Variants in TMEM165 observed in about 807,000 individuals in gnomAD.
TMEM165 encodes putative divalent cation/proton antiporter TMEM165.
A neutral mutation model predicts 30.0 loss-of-function variants in TMEM165; 19 were observed. The observed-to-expected ratio is 0.63, with a 90% CI of 0.44 to 0.93. The LOEUF (loss-of-function observed/expected upper bound fraction) is 0.93, where lower values mean the gene tolerates loss of function less well. Ranked by LOEUF, TMEM165 falls within the 40% of genes least tolerant of loss-of-function variation. The pLI is 0.00. For synonymous variants in TMEM165, 168 were observed against 162.9 expected (o/e 1.03, Z -0.24); for missense variants, 340 against 417.0 (o/e 0.82, Z 1.61).
chr4:55,411,365 T>A (rs1342482546), intron 1 of TMEM165, among the ~76,000 whole-genome samples: 2 of 152,044 alleles, frequency 1.3e-5, no homozygotes, highest in Non-Finnish European at 2.9e-5. Flanking sequence ...ATATAAATAT[T>A]CCAAAATCTA....
At position 55,396,269 on chromosome 4, in the gene TMEM165, C is replaced by T; in HGVS notation, c.80C>T (p.Ala27Val). 1 of 1,520,876 alleles carries T rather than the reference C, an allele frequency of 6.6e-7. No individual in the cohort carries two copies. The highest frequency in any genetic ancestry group is 8.8e-7 in the Non-Finnish European group (1 of 1,140,690). 94.2% of individuals were successfully genotyped at this position (1,520,876 alleles called of 1,614,324 possible). The change falls in exon 1 of 6, where the codon GCC becomes GTC. Residue 27 changes from alanine to valine, a missense_variant. This residue lies in a region of TMEM165 where 120 missense variants were observed against 109.4 expected (regional missense o/e 1.10). Coordinates refer to ENST00000381334, the MANE Select transcript of TMEM165 (RefSeq NM_018475.5). Reference sequence around the variant, plus strand: ...CTCTTTCTGGTTCCGCTGCTGTGGGCCCCGGCTGCGGTCCGGGCCGGCCCA... The same window carrying T: ...CTCTTTCTGGTTCCGCTGCTGTGGGTCCCGGCTGCGGTCCGGGCCGGCCCA... ...LLLFLVPLLWAPAAVRAGPDE... is the reference protein window; with the variant it reads ...LLLFLVPLLWVPAAVRAGPDE...
chr4:55,400,272 A>AATATATTATATATTATATATAATATTAT (rs1410401458), intron 1 of TMEM165, among the ~76,000 whole-genome samples: 12 of 83,174 alleles, frequency 1.4e-4, no homozygotes, highest in South Asian at 6.7e-4. Context: ...TATAATATAT[A>AATATATTATATATTATATATAATATTAT]ATATAATATT....
intron 3 of TMEM165, chr4:55,452,197 C>CT (rs1241173801): frequency 6.6e-6 from 1 of 152,134 alleles, no homozygotes; most frequent in Non-Finnish European, 1.5e-5. Flanking sequence ...AGGTATCAAT[C>CT]CTGTGATTAG....
chr4:55,407,801 G>A (rs1320167761), intron 1 of TMEM165, among the ~76,000 whole-genome samples: 1 of 152,226 alleles, frequency 6.6e-6, no homozygotes, highest in African/African-American at 2.4e-5. Flanking sequence ...TTCATATTTT[G>A]TGGCACTACA....
chr4:55,397,494 GA>G (rs1185031043), intron 1 of TMEM165: 2,217 of 135,668 alleles, frequency 0.016, 45 homozygotes, highest in African/African-American at 0.052. Flanking sequence ...CCTTTTCAAA[GA>G]AAAAAAAAAA....
At chr4:55,424,839 A>C (rs1722126154) in intron 5 of TMEM165, 196 bp downstream of exon 5, 1 of 529,888 alleles carries the variant, frequency 1.9e-6, no homozygotes, top group Non-Finnish European at 3.3e-6. Flanking sequence ...AGCAAAATAC[A>C]AAGTCATTTT....
intron 3 of TMEM165, chr4:55,431,692 C>A (rs569436934): frequency 7.0e-6 from 1 of 141,894 alleles, no homozygotes; most frequent in Non-Finnish European, 1.6e-5. Flanking sequence ...AACAAACTTT[C>A]AATTACCAAA....
chr4:55,416,894 T>C, intron 2 of TMEM165, 178 bp from the exon 3 acceptor site: 4 of 536,440 alleles, frequency 7.5e-6, no homozygotes, highest in Non-Finnish European at 1.3e-5. Context: ...CTAGACCTAA[T>C]GGTTTATTAT....
In TMEM165 at chr4:55,424,746, G is replaced by T. The variant is rs568287484; in HGVS notation, c.898+103G>T. On this transcript the variant is annotated intron_variant, in intron 5 of 5. Coordinates refer to ENST00000381334, the MANE Select transcript of TMEM165 (RefSeq NM_018475.5). ...AATTTCTGCTGCTGAAGTATACTTG[G>T]TTTTTCTAATTACCTACCATCTCTT... 3 of 775,920 alleles carry T rather than the reference G, an allele frequency of 3.9e-6. No individual in the cohort carries two copies. The African/African-American group carries it at 5.2e-5, about 14-fold the overall frequency. 48.1% of individuals were successfully genotyped at this position (775,920 alleles called of 1,614,324 possible). A position where few individuals can be genotyped will look rare whatever the true frequency, so the allele number is the denominator to read the frequency against.
At position 55,400,372 on chromosome 4, in the gene TMEM165, TTAATATAATAA is replaced by T. The variant is rs1720942756; in HGVS notation, c.207+3982_207+3992del. Among the ~76,000 whole-genome samples the T allele has an allele frequency of 6.4e-5, 3 of 46,678 alleles. No homozygotes were observed. The South Asian group carries it at 9.2e-3, about 143-fold the overall frequency. The allele number at this position is 46,678 out of a possible 152,430, so 30.6% of individuals were successfully genotyped here. Reference sequence around the variant, plus strand: ...TATTATATTAATATAATTAATTATATTAATATAATAATAATAAATAATATTAATATAATTAA... The same window carrying T: ...TATTATATTAATATAATTAATTATATTAATAAATAATATTAATATAATTAA... On this transcript the variant is annotated intron_variant, in intron 1 of 5. Coordinates refer to ENST00000381334, the MANE Select transcript of TMEM165 (RefSeq NM_018475.5).
At chr4:55,435,187 C>T in intron 3 of TMEM165, 1 of 556,442 alleles carries the variant, frequency 1.8e-6, no homozygotes, top group East Asian at 3.1e-5. Context: ...ACCTAAAACA[C>T]TGTCAGAACT....
intron 4 of TMEM165, 163 bp downstream of exon 4, chr4:55,418,148 G>C: frequency 3.6e-6 from 2 of 550,528 alleles, no homozygotes; most frequent in South Asian, 4.3e-5. Flanking sequence ...CCTTCTCCCA[G>C]TTCCTGCTAC....
At chr4:55,421,723 G>A (rs1055582231) in intron 4 of TMEM165, among the ~76,000 whole-genome samples, 7 of 152,112 alleles carry the variant, frequency 4.6e-5, no homozygotes, top group African/African-American at 1.2e-4. Flanking sequence ...CACACTGCCC[G>A]ACAGCGGGCT....
intron 1 of TMEM165, among the ~76,000 whole-genome samples, chr4:55,396,886 T>G (rs1160195058): frequency 6.6e-6 from 1 of 152,182 alleles, no homozygotes; most frequent in Non-Finnish European, 1.5e-5. Context: ...ACTCTCACTT[T>G]TTAAAAATGT....
chr4:55,416,774 T>A, intron 2 of TMEM165: 1 of 212,912 alleles, frequency 4.7e-6, no homozygotes, highest in Non-Finnish European at 9.3e-6. Context: ...AGCCAGCCTC[T>A]GACTGAACAT....
At chr4:55,433,677 T>C (rs1331675902) in intron 3 of TMEM165, 1 of 152,252 alleles carries the variant, frequency 6.6e-6, no homozygotes, top group Non-Finnish European at 1.5e-5. Flanking sequence ...ATGTATTTTC[T>C]ACTAATCCTC....
At chr4:55,409,579 T>C (rs1297688253) in intron 1 of TMEM165, among the ~76,000 whole-genome samples, 3 of 152,164 alleles carry the variant, frequency 2.0e-5, no homozygotes, top group Non-Finnish European at 4.4e-5. Flanking sequence ...TCCTGTGCAT[T>C]GTAGGATGTT....
intron 1 of TMEM165, among the ~76,000 whole-genome samples, chr4:55,407,811 A>G (rs754801261): frequency 2.0e-5 from 3 of 152,268 alleles, no homozygotes; most frequent in Non-Finnish European, 4.4e-5. Context: ...GTGGCACTAC[A>G]AAAACTAATT....
At chr4:55,401,655 G>T (rs762873857) in intron 1 of TMEM165, among the ~76,000 whole-genome samples, 2 of 150,158 alleles carry the variant, frequency 1.3e-5, no homozygotes, top group African/African-American at 2.5e-5. Flanking sequence ...TCATTAAGTT[G>T]CAGTCCCACT....
Sources: allele counts gnomAD v4.1 joint callset (sites outside exome capture counted in the v4.1 genomes callset), GRCh38; gene constraint gnomAD v4.1.1; regional missense constraint gnomAD v4.1.1; transcripts MANE v1.5; gene names NCBI Gene and HGNC (gene_info 2026-07-23, HGNC 2026-07-21).